The following HSBP1L1 variants were observed in gnomAD, a reference collection of about 807,000 sequenced individuals.
The protein encoded by HSBP1L1 is heat shock factor binding protein 1 like 1.
In HSBP1L1, 8 loss-of-function variants were observed where a neutral mutation model predicts 9.7. The observed-to-expected ratio is 0.82, with a 90% CI of 0.48 to 1.48. HSBP1L1 has a LOEUF of 1.48. Among genes scored for constraint, HSBP1L1 ranks in the 40% most tolerant of loss-of-function variants. The pLI is 0.00. For missense variants in HSBP1L1, 106 were observed against 95.8 expected (o/e 1.11, Z -0.44); for synonymous variants, 39 against 34.4 (o/e 1.13, Z -0.46).
chr18:79,967,489 A>G (rs1323703464), intron 2 of HSBP1L1: 1 of 152,232 alleles, frequency 6.6e-6, no homozygotes, highest in Non-Finnish European at 1.5e-5. Flanking sequence ...GACTTGCCCA[A>G]TTTGAGCTCA....
At chr18:79,968,043 G>C (rs1306999933) in intron 2 of HSBP1L1, 46 bp from the exon 3 acceptor site, 1 of 1,213,050 alleles carries the variant, frequency 8.2e-7, no homozygotes, top group South Asian at 1.4e-5. Flanking sequence ...GCTGTGCCTC[G>C]GCGGCTCTGG....
chr18:79,969,101 A>ATGCCGTGAACCCGGGAGGCAGAGCT (rs2051272458), intron 3 of HSBP1L1, among the ~76,000 whole-genome samples: 1 of 150,310 alleles, frequency 6.7e-6, no homozygotes, highest in East Asian at 2.0e-4. Context: ...AGGCGGGAGA[A>ATGCCGTGAACCCGGGAGGCAGAGCT]TGCCGTGAAC....
rs960201738 is a variant in HSBP1L1, at chr18:79,967,795, T to C, written c.119-294T>C. Reference sequence around the variant, plus strand: ...AAACAAAAAAGAGTTAATTCCATTATATTTATTTTTACATACCCAGAGTTT... The same window carrying C: ...AAACAAAAAAGAGTTAATTCCATTACATTTATTTTTACATACCCAGAGTTT... On this transcript the variant is annotated intron_variant, in intron 2 of 3. Coordinates refer to ENST00000451882, the MANE Select transcript of HSBP1L1 (RefSeq NM_001136180.2). 3 of 271,516 alleles carry C rather than the reference T, an allele frequency of 1.1e-5. No individual in the cohort carries two copies. In the Admixed American group the frequency reaches 1.5e-4, roughly 13 times the overall value. 16.8% of individuals were successfully genotyped at this position (271,516 alleles called of 1,614,324 possible).
chr18:79,967,153 A>C (rs1459299548), intron 2 of HSBP1L1, among the ~76,000 whole-genome samples: 3 of 151,908 alleles, frequency 2.0e-5, no homozygotes, highest in African/African-American at 7.2e-5. Flanking sequence ...GTCTCAAAAA[A>C]AAAAAAAAAA....
chr18:79,968,576 T>C (rs1290684161), intron 3 of HSBP1L1, among the ~76,000 whole-genome samples: 1 of 152,114 alleles, frequency 6.6e-6, no homozygotes, highest in African/African-American at 2.4e-5. Flanking sequence ...TCCACCCACC[T>C]TGGCCTCCCA....
intron 1 of HSBP1L1, 59 bp downstream of exon 1, chr18:79,964,845 G>T: frequency 3.1e-6 from 1 of 318,808 alleles, no homozygotes; most frequent in Non-Finnish European, 5.1e-6. Flanking sequence ...CGGTTCTGGG[G>T]GGTTTTGAGG....
intron 3 of HSBP1L1, 92 bp from the exon 4 acceptor site, chr18:79,970,348 G>T: frequency 1.4e-6 from 1 of 714,980 alleles, no homozygotes; most frequent in South Asian, 1.5e-5. Flanking sequence ...CAGCCACAAA[G>T]CACCAGTGAG....
Position 79,970,710 on chromosome 18 carries a change from T to C in HSBP1L1, c.*259T>C. ...AGAACTGTGAAAAGACAAGTTTCTG[T>C]TGTTTAAACCACCCAATCTGAAGTA... On this transcript the variant is annotated 3_prime_UTR_variant, in exon 4 of 4. Coordinates refer to ENST00000451882, the MANE Select transcript of HSBP1L1 (RefSeq NM_001136180.2). 2.1e-6 allele frequency: 1 copy of C among 476,990 alleles called. No individual in the cohort carries two copies. The highest frequency in any genetic ancestry group is 3.8e-6 in the Non-Finnish European group (1 of 262,520). 29.5% of individuals were successfully genotyped at this position (476,990 alleles called of 1,614,324 possible). A position where few individuals can be genotyped will look rare whatever the true frequency, so the allele number is the denominator to read the frequency against.
chr18:79,968,044 G>A, intron 2 of HSBP1L1, 45 bp from the exon 3 acceptor site: 1 of 1,238,796 alleles, frequency 8.1e-7, no homozygotes, highest in Non-Finnish European at 1.1e-6. Flanking sequence ...CTGTGCCTCG[G>A]CGGCTCTGGA....
At position 79,969,375 on chromosome 18, in the gene HSBP1L1, GAAAGAAAGAAAGAAAGAAA is replaced by G. The variant is rs1289220675; in HGVS notation, c.214-1061_214-1043del. 7.6e-3 allele frequency among the ~76,000 whole-genome samples: 395 copies of G among 52,122 alleles called. 37 individuals carry two copies. The highest frequency in any genetic ancestry group is 0.015 in the Middle Eastern group (2 of 134). 34.2% of individuals were successfully genotyped at this position (52,122 alleles called of 152,430 possible). On this transcript the variant is annotated intron_variant, in intron 3 of 3. Coordinates refer to ENST00000451882, the MANE Select transcript of HSBP1L1 (RefSeq NM_001136180.2). Reference sequence around the variant, plus strand: ...AGAAAGAAAGAAAGAAAGAAAGAAAGAAAGAAAGAAAGAAAGAAAAAAAAACGATGCAGAATAGCGCCCA... The same window carrying G: ...AGAAAGAAAGAAAGAAAGAAAGAAAGAAAAAACGATGCAGAATAGCGCCCA...
intron 1 of HSBP1L1, among the ~76,000 whole-genome samples, chr18:79,965,471 G>T (rs545127922): frequency 6.6e-6 from 1 of 152,234 alleles, no homozygotes; most frequent in South Asian, 2.1e-4. Context: ...ACCCCCAGCT[G>T]GGAGAATTTT....
chr18:79,966,584 T>G (rs759475303), intron 1 of HSBP1L1, 28 bp from the exon 2 acceptor site: 13 of 1,501,054 alleles, frequency 8.7e-6, no homozygotes, highest in Non-Finnish European at 1.1e-5. Context: ...AAATATTTAT[T>G]CAATTGTCTT....
chr18:79,970,585 CT>C lies in HSBP1L1; in HGVS notation c.*135del, dbSNP rs34938590. On this transcript the variant is annotated 3_prime_UTR_variant, in exon 4 of 4. Coordinates refer to ENST00000451882, the MANE Select transcript of HSBP1L1 (RefSeq NM_001136180.2). ...ACGCAAGGGGCTCGCCTGCTCTCCC[CT>C]CCGTGCCTGCACCAGAGAAGGAGGC... 0.81 allele frequency: 544,246 copies of C among 671,022 alleles called. 222,487 individuals are homozygous for C. Among genetic ancestry groups the C allele is most frequent in the East Asian group, 0.89 (32,218 of 36,384 alleles). The allele number at this position is 671,022 out of a possible 1,614,324, so 41.6% of individuals were successfully genotyped here. A position where few individuals can be genotyped will look rare whatever the true frequency, so the allele number is the denominator to read the frequency against.
intron 1 of HSBP1L1, among the ~76,000 whole-genome samples, chr18:79,966,162 A>C (rs1156508005): frequency 1.3e-5 from 2 of 148,772 alleles, no homozygotes; most frequent in Non-Finnish European, 3.0e-5. Context: ...CGATCTCCTG[A>C]CCTCCTGATC....
chr18:79,969,337 AAGAAAGAAAGAAAG>A (rs2051279034), intron 3 of HSBP1L1, among the ~76,000 whole-genome samples: 1 of 30,012 alleles, frequency 3.3e-5, no homozygotes, highest in Non-Finnish European at 7.3e-5. Flanking sequence ...AAGAAAAAGA[AAGAAAGAAAGAAAG>A]AAAGAAAGAA....
chr18:79,967,011 G>A (rs1186974290), intron 2 of HSBP1L1: 1 of 184,406 alleles, frequency 5.4e-6, no homozygotes. Context: ...AGCCCGGCAT[G>A]GTGGCGGGCG....
At chr18:79,969,218 A>G (rs146364860) in intron 3 of HSBP1L1, among the ~76,000 whole-genome samples, 9 of 60,096 alleles carry the variant, frequency 1.5e-4, no homozygotes, top group African/African-American at 3.7e-4. Flanking sequence ...GAAAGAAAGA[A>G]AGAAAGAGGA....
chr18:79,966,509 C>T (rs999474738), intron 1 of HSBP1L1, 103 bp from the exon 2 acceptor site: 3 of 806,676 alleles, frequency 3.7e-6, no homozygotes, highest in South Asian at 3.2e-5. Flanking sequence ...CGCCATTGCA[C>T]TCCAGCCTGG....
Position 79,964,692 on chromosome 18 carries a change from C to T in HSBP1L1, c.-44C>T, listed in dbSNP as rs541041943. On this transcript the variant is annotated 5_prime_UTR_variant, in exon 1 of 4. Transcript: ENST00000451882. Reference sequence around the variant, plus strand: ...GTCGCCACCTCGCGCCGGGTCCGCGCGGCCCACGGGACCCCCCACTGACGC... The same window carrying T: ...GTCGCCACCTCGCGCCGGGTCCGCGTGGCCCACGGGACCCCCCACTGACGC... 1.6e-6 allele frequency: 2 copies of T among 1,235,588 alleles called. No individual in the cohort carries two copies. The highest frequency in any genetic ancestry group is 1.6e-5 in the African/African-American group (1 of 62,756). The allele number at this position is 1,235,588 out of a possible 1,614,324, so 76.5% of individuals were successfully genotyped here.
Sources: gnomAD v4.1 joint callset for allele counts (sites outside exome capture counted in the v4.1 genomes callset) on GRCh38, gnomAD v4.1.1 for gene constraint, MANE v1.5 for transcripts, NCBI Gene and HGNC (gene_info 2026-07-23, HGNC 2026-07-21) for gene names.